Variants in PRELID3B observed in about 807,000 individuals in gnomAD.
PRELID3B encodes PRELI domain containing protein 3B.
A neutral mutation model predicts 24.0 loss-of-function variants in PRELID3B; 15 were observed. That is an observed-to-expected ratio of 0.63 (90% confidence interval 0.42 to 0.96). The LOEUF (loss-of-function observed/expected upper bound fraction) is 0.96, where lower values mean the gene tolerates loss of function less well. PRELID3B is among the 40% of genes least tolerant of loss of function. The probability of loss-of-function intolerance (pLI) is 0.00; values close to 1 mark genes in which losing one functional copy is unlikely to be tolerated. For missense variants in PRELID3B, 189 were observed against 236.0 expected, an observed-to-expected ratio of 0.80 and a Z score of 1.30; for synonymous variants, 62 against 76.0, an observed-to-expected ratio of 0.82 and a Z score of 0.96.
intron 2 of PRELID3B, 158 bp downstream of exon 2, chr20:59,038,308 C>G (rs983551490): frequency 8.9e-6 from 5 of 562,352 alleles, no homozygotes; most frequent in Non-Finnish European, 1.4e-5. Flanking sequence ...ATTTCCAATT[C>G]ATTATACACT....
At chr20:59,036,896 A>AACT (rs1204764248) in intron 3 of PRELID3B, 136 bp from the exon 4 acceptor site, 1 of 648,274 alleles carries the variant, frequency 1.5e-6, no homozygotes, top group African/African-American at 1.8e-5. Context: ...TTATTGCATA[A>AACT]ACTATTCACT....
At position 59,040,169 on chromosome 20, in the gene PRELID3B, C is replaced by T. The variant is rs577588497; in HGVS notation, c.33-1535G>A. Among the ~76,000 whole-genome samples, 187 of 152,288 alleles carry T rather than the reference C, an allele frequency of 1.2e-3. No homozygotes were observed. Among genetic ancestry groups the T allele is most frequent in the African/African-American group, 4.0e-3 (166 of 41,546 alleles). On this transcript the variant is annotated intron_variant, in intron 1 of 5. Coordinates refer to ENST00000355937, the MANE Select transcript of PRELID3B (RefSeq NM_016045.3). This position sits in a 1 kb window ranked among gnomAD's most constrained non-coding sequence, Gnocchi z 4.1. ...ATTTAGTCCATCTCTCCTTTCTGAA[C>T]CAACTTGAAACCACTGATGTTGACT... is the stretch of plus-strand genomic sequence containing the variant.
At position 59,033,206 on chromosome 20, in the gene PRELID3B, A is replaced by G. The variant is rs145848894; in HGVS notation, c.*1801T>C. ...CTTAATTCACATTTCAACTTTATTA[A>G]ATAGTCCAAGGGTTTCATTTATGAA... On this transcript the variant is annotated 3_prime_UTR_variant, in exon 6 of 6. Coordinates refer to ENST00000355937, the MANE Select transcript of PRELID3B (RefSeq NM_016045.3). 6.6e-6 allele frequency: 1 copy of G among 152,228 alleles called. No individual in the cohort carries two copies. Among genetic ancestry groups the G allele is most frequent in the Non-Finnish European group, 1.5e-5 (1 of 68,038 alleles). 9.4% of individuals were successfully genotyped at this position (152,228 alleles called of 1,614,324 possible).
rs1310197314 is a variant in PRELID3B at position 59,034,776 on chromosome 20, T to A, written c.*231A>T. 2 of 392,474 alleles carry A rather than the reference T, an allele frequency of 5.1e-6. No individual in the cohort carries two copies. The highest frequency in any genetic ancestry group is 4.1e-5 in the African/African-American group (2 of 48,318). 24.3% of individuals were successfully genotyped at this position (392,474 alleles called of 1,614,324 possible). A position where few individuals can be genotyped will look rare whatever the true frequency, so the allele number is the denominator to read the frequency against. The stretch of plus-strand genomic sequence containing the variant: ...TCTTGTTGAATTTTCACAGAAATAC[T>A]GGAACCCTCAAAATCAGATAGTAAT... On this transcript the variant is annotated 3_prime_UTR_variant, in exon 6 of 6. Transcript: ENST00000355937.
chr20:59,038,563 C>G lies in PRELID3B; in HGVS notation c.104G>C (p.Gly35Ala), dbSNP rs1186596373. 6.8e-6 allele frequency: 11 copies of G among 1,613,490 alleles called. No individual in the cohort carries two copies. The highest frequency in any genetic ancestry group is 9.3e-6 in the Non-Finnish European group (11 of 1,179,844). Residue 35 changes from glycine to alanine, a missense_variant, in exon 2 of 6, where the codon GGA becomes GCA. By Grantham distance (60) the Gly-to-Ala change is moderately conservative (BLOSUM62 0). Coordinates refer to ENST00000355937, the MANE Select transcript of PRELID3B (RefSeq NM_016045.3). ...TATATGTCTGTCCAACACATCAACT[C>G]CAACCACACTTGGGTTCATAGGGTT... ...YPNPMNPSVVGVDVLDRHIDP... is the reference protein window; with the variant it reads ...YPNPMNPSVVAVDVLDRHIDP...
At chr20:59,042,008 T>A (rs1168820694) in intron 1 of PRELID3B, among the ~76,000 whole-genome samples, 1 of 152,210 alleles carries the variant, frequency 6.6e-6, no homozygotes, top group Non-Finnish European at 1.5e-5. Flanking sequence ...GTTCACATTA[T>A]CCAAAAAGAT....
chr20:59,038,887 A>G (rs1053974641), intron 1 of PRELID3B, among the ~76,000 whole-genome samples: 1 of 151,376 alleles, frequency 6.6e-6, no homozygotes, highest in African/African-American at 2.4e-5. Context: ...AGCAGTCTAC[A>G]CCATCTTTCC....
chr20:59,035,817 A>G (rs760018346), intron 5 of PRELID3B, among the ~76,000 whole-genome samples: 2 of 152,182 alleles, frequency 1.3e-5, no homozygotes, highest in Non-Finnish European at 2.9e-5. Flanking sequence ...TACCCTGTCT[A>G]GCCTAGCACT....
intron 5 of PRELID3B, 74 bp downstream of exon 5, chr20:59,036,397 A>G: frequency 8.9e-7 from 1 of 1,128,624 alleles, no homozygotes; most frequent in Non-Finnish European, 1.3e-6. Flanking sequence ...ACAAGGACAC[A>G]CATGCAGTCA....
chr20:59,034,967 G>C lies in PRELID3B; in HGVS notation c.*40C>G. The C allele has an allele frequency of 6.5e-7, 1 of 1,537,870 alleles. No individual in the cohort carries two copies. Among genetic ancestry groups the C allele is most frequent in the Non-Finnish European group, 8.8e-7 (1 of 1,142,770 alleles). ...CAAATAAATATATAGTCAGTTTGGA[G>C]AGACCTGGAGTACCCGATGTTGTCT... On this transcript the variant is annotated 3_prime_UTR_variant, in exon 6 of 6. Coordinates refer to ENST00000355937, the MANE Select transcript of PRELID3B (RefSeq NM_016045.3).
At chr20:59,038,856 A>C (rs926876197) in intron 1 of PRELID3B, among the ~76,000 whole-genome samples, 11 of 152,000 alleles carry the variant, frequency 7.2e-5, no homozygotes, top group Admixed American at 2.0e-4. Flanking sequence ...ATGTAAAAAA[A>C]CTCATATCTA....
chr20:59,037,138 C>T, intron 3 of PRELID3B, 53 bp downstream of exon 3: 1 of 1,356,042 alleles, frequency 7.4e-7, no homozygotes, highest in Non-Finnish European at 1.0e-6. Context: ...AGGAGAGGGA[C>T]AAAGAACTCA....
At position 59,034,706 on chromosome 20, in the gene PRELID3B, A is replaced by G. The variant is rs954850941; in HGVS notation, c.*301T>C. 2.1e-5 allele frequency: 5 copies of G among 236,166 alleles called. No individual in the cohort carries two copies. The highest frequency in any genetic ancestry group is 9.7e-5 in the South Asian group (1 of 10,280). 14.6% of individuals were successfully genotyped at this position (236,166 alleles called of 1,614,324 possible). ...TTCCAATGTATGAAAAGCTTGAAAA[A>G]TCTACCTTAAGGAGACTGAATATCA... On this transcript the variant is annotated 3_prime_UTR_variant, in exon 6 of 6. Transcript: ENST00000355937.
chr20:59,036,640 A>G, intron 4 of PRELID3B, 50 bp downstream of exon 4: 1 of 1,578,324 alleles, frequency 6.3e-7, no homozygotes, highest in South Asian at 1.1e-5. Flanking sequence ...CTTGATAAAA[A>G]AACCTTAAAC....
intron 2 of PRELID3B, among the ~76,000 whole-genome samples, chr20:59,037,919 A>T (rs1284835886): frequency 6.6e-6 from 1 of 152,238 alleles, no homozygotes; most frequent in Non-Finnish European, 1.5e-5. Context: ...ACCTGGATCC[A>T]CTTATTATAC....
At chr20:59,038,029 A>C (rs1428510250) in intron 2 of PRELID3B, 2 of 156,632 alleles carry the variant, frequency 1.3e-5, no homozygotes, top group African/African-American at 4.8e-5. Flanking sequence ...ATTGTTTCTA[A>C]ATGTACAGGA....
rs1384186953 is a variant in PRELID3B at position 59,040,924 on chromosome 20, C to T, written c.32+1775G>A. ...CCCAGGACAAAAAAAAAGTCTGTGACGAAAAGAGAAACAAAAAAGAAATTA... is the reference window on the plus strand; with the variant it reads ...CCCAGGACAAAAAAAAAGTCTGTGATGAAAAGAGAAACAAAAAAGAAATTA... On this transcript the variant is annotated intron_variant, in intron 1 of 5. Transcript: ENST00000355937. The surrounding 1 kb of genome is among the most constrained non-coding windows in gnomAD (Gnocchi z 4.1). 2.0e-5 allele frequency among the ~76,000 whole-genome samples: 3 copies of T among 151,784 alleles called. No homozygotes were observed. Among genetic ancestry groups the T allele is most frequent in the Non-Finnish European group, 2.9e-5 (2 of 67,972 alleles).
At chr20:59,038,715 C>G (rs2092092174) in intron 1 of PRELID3B, 81 bp from the exon 2 acceptor site, 14 of 1,454,908 alleles carry the variant, frequency 9.6e-6, no homozygotes, top group African/African-American at 1.4e-5. Flanking sequence ...TTTTTATAAT[C>G]TATCAAATCA....
At chr20:59,039,572 A>T (rs1049817796) in intron 1 of PRELID3B, among the ~76,000 whole-genome samples, 5 of 152,228 alleles carry the variant, frequency 3.3e-5, no homozygotes, top group Non-Finnish European at 7.3e-5. Context: ...GATGCTTTCT[A>T]CACTACTTAT....
Sources: gnomAD v4.1 joint callset for allele counts (sites outside exome capture counted in the v4.1 genomes callset) on GRCh38, gnomAD v4.1.1 for gene constraint, Gnocchi (gnomAD v3.1) non-coding constraint, MANE v1.5 for transcripts, NCBI Gene and HGNC (gene_info 2026-07-23, HGNC 2026-07-21) for gene names.